The following ZBTB20 variants were observed in gnomAD, a reference collection of about 807,000 sequenced individuals.
ZBTB20 encodes the protein zinc finger and BTB domain containing 20.
ZBTB20 carries 9 observed loss-of-function variants against 56.9 expected under a neutral mutation model. The ratio of observed to expected loss-of-function variants is 0.16; its 90% confidence interval spans 0.10 to 0.28. The LOEUF is 0.28. Among genes scored for constraint, ZBTB20 ranks in the 10% least tolerant of loss-of-function variants. ZBTB20 has a pLI of 1.00. For synonymous variants in ZBTB20, 417 were observed against 420.7 expected (o/e 0.99, Z 0.11); for missense variants, 655 against 1,003.0 (o/e 0.65, Z 4.69).
intron 6 of ZBTB20, among the ~76,000 whole-genome samples, chr3:114,656,923 G>A (rs367575521): frequency 4.7e-4 from 71 of 152,170 alleles, no homozygotes; most frequent in Admixed American, 4.1e-3. Context: ...GATTATAGGC[G>A]TGAGCTACCG....
At chr3:114,432,900 T>C (rs537436174) in intron 7 of ZBTB20, among the ~76,000 whole-genome samples, 3 of 152,138 alleles carry the variant, frequency 2.0e-5, no homozygotes, top group Admixed American at 6.6e-5. Context: ...TCAAGGTTAA[T>C]GTAGCTGGTA....
intron 7 of ZBTB20, among the ~76,000 whole-genome samples, chr3:114,477,923 TTC>T (rs1293885427): frequency 3.7e-5 from 3 of 81,944 alleles, no homozygotes; most frequent in Non-Finnish European, 9.4e-5. Flanking sequence ...CTTTCTTTCT[TTC>T]TCTGTCTCTC....
rs987724605 is a variant in ZBTB20, at chr3:114,978,337, A to G, written c.-506-3921T>C. ...AATAATATTATTAATTCTAATACCT[A>G]TAAGTAATAAGGTGAAATAAGAAGC... On this transcript the variant is annotated intron_variant, in intron 2 of 11. Transcript: ENST00000675478. Among the ~76,000 whole-genome samples the G allele has an allele frequency of 2.0e-5, 3 of 149,334 alleles. No homozygotes were observed. In the South Asian group the frequency reaches 6.2e-4, roughly 31 times the overall value.
At chr3:114,678,130 T>C (rs970224595) in intron 6 of ZBTB20, among the ~76,000 whole-genome samples, 10 of 152,176 alleles carry the variant, frequency 6.6e-5, no homozygotes, top group Non-Finnish European at 1.2e-4. Context: ...AAAAGAAGGT[T>C]TTAGCTGGTT....
At chr3:114,974,663 C>T (rs2108051695) in intron 2 of ZBTB20, among the ~76,000 whole-genome samples, 1 of 152,256 alleles carries the variant, frequency 6.6e-6, no homozygotes, top group Middle Eastern at 3.4e-3. Flanking sequence ...GCTATAGTAT[C>T]ATAAGAAGTT....
chr3:114,364,538 A>G (rs1272660525), intron 10 of ZBTB20, among the ~76,000 whole-genome samples: 3 of 152,282 alleles, frequency 2.0e-5, no homozygotes, highest in East Asian at 1.9e-4. Context: ...TGCCGTTCAG[A>G]TATGTTCGAT....
intron 3 of ZBTB20, among the ~76,000 whole-genome samples, chr3:114,966,100 T>G (rs1410318769): frequency 6.6e-6 from 1 of 152,164 alleles, no homozygotes; most frequent in African/African-American, 2.4e-5. Flanking sequence ...ACAGCTTAGA[T>G]CCTGTTTTTA....
At chr3:114,927,211 T>G (rs765537513) in intron 3 of ZBTB20, among the ~76,000 whole-genome samples, 2 of 152,232 alleles carry the variant, frequency 1.3e-5, no homozygotes, top group Non-Finnish European at 2.9e-5. Flanking sequence ...ACCATTTGTT[T>G]CTAATCTACC....
chr3:115,014,231 T>C (rs899438244), intron 2 of ZBTB20, among the ~76,000 whole-genome samples: 1 of 151,566 alleles, frequency 6.6e-6, no homozygotes, highest in Admixed American at 6.6e-5. Flanking sequence ...ACCATAGAGA[T>C]AAAGAGAAGG....
chr3:114,567,300 A>T (rs1360236645), intron 6 of ZBTB20, among the ~76,000 whole-genome samples: 2 of 152,208 alleles, frequency 1.3e-5, no homozygotes, highest in African/African-American at 4.8e-5. Flanking sequence ...TCGGGAAAAA[A>T]ATTGCAGTGA....
intron 6 of ZBTB20, among the ~76,000 whole-genome samples, chr3:114,643,782 T>C (rs866659851): frequency 6.6e-6 from 1 of 152,106 alleles, no homozygotes; most frequent in Non-Finnish European, 1.5e-5. Flanking sequence ...TTGGCATGAC[T>C]GAAGTACAGT....
At chr3:114,867,427 T>C (rs1327703729) in intron 4 of ZBTB20, among the ~76,000 whole-genome samples, 1 of 152,180 alleles carries the variant, frequency 6.6e-6, no homozygotes, top group Non-Finnish European at 1.5e-5. Flanking sequence ...AAAGGTCAAG[T>C]TTGTTTAGTG....
intron 2 of ZBTB20, among the ~76,000 whole-genome samples, chr3:115,066,238 G>A (rs996499937): frequency 6.6e-6 from 1 of 151,582 alleles, no homozygotes; most frequent in Non-Finnish European, 1.5e-5. Context: ...CCTCTGGCTG[G>A]CCACCAACCT....
chr3:114,628,124 C>T (rs2107810158), intron 6 of ZBTB20, among the ~76,000 whole-genome samples: 1 of 152,102 alleles, frequency 6.6e-6, no homozygotes, highest in East Asian at 1.9e-4. Flanking sequence ...CCTTTTTTTT[C>T]TCCCTTTGGC....
In ZBTB20 at chr3:114,684,251, G is replaced by T. The variant is rs557329156; in HGVS notation, c.-295+9277C>A. Among the ~76,000 whole-genome samples, 3 of 152,182 alleles carry T rather than the reference G, an allele frequency of 2.0e-5. No individual in the cohort carries two copies. The South Asian group carries it at 6.2e-4, about 32-fold the overall frequency. Reference sequence around the variant, plus strand: ...ATGTATTCATCTTCCCATATTTCAGGGAAGAAATAGTTGAACGACTTTAGG... The same window carrying T: ...ATGTATTCATCTTCCCATATTTCAGTGAAGAAATAGTTGAACGACTTTAGG... On this transcript the variant is annotated intron_variant, in intron 6 of 11. Coordinates refer to ENST00000675478, the MANE Select transcript of ZBTB20 (RefSeq NM_001348800.3).
intron 6 of ZBTB20, among the ~76,000 whole-genome samples, chr3:114,576,942 T>G (rs1280005053): frequency 6.6e-6 from 1 of 152,118 alleles, no homozygotes; most frequent in African/African-American, 2.4e-5. Context: ...ATAATAACCA[T>G]AATAATGTTA....
intron 6 of ZBTB20, among the ~76,000 whole-genome samples, chr3:114,567,410 T>C (rs1004643768): frequency 2.6e-5 from 4 of 152,188 alleles, no homozygotes; most frequent in Admixed American, 2.0e-4. Context: ...AATTCTGTTA[T>C]GTTATTGGCA....
At chr3:114,499,680 T>C (rs537994764) in intron 7 of ZBTB20, among the ~76,000 whole-genome samples, 2 of 152,348 alleles carry the variant, frequency 1.3e-5, no homozygotes, top group South Asian at 4.1e-4. Flanking sequence ...CAGTGCAGCC[T>C]GGTTTGAATT....
chr3:114,628,749 C>T (rs2058776275), intron 6 of ZBTB20, among the ~76,000 whole-genome samples: 1 of 152,126 alleles, frequency 6.6e-6, no homozygotes, highest in South Asian at 2.1e-4. Context: ...TAACAGGTTA[C>T]TAATAATTTC....
Sources: allele counts gnomAD v4.1 joint callset (sites outside exome capture counted in the v4.1 genomes callset), GRCh38; gene constraint gnomAD v4.1.1; transcripts MANE v1.5; gene names NCBI Gene and HGNC (gene_info 2026-07-23, HGNC 2026-07-21).